The following CNTNAP2 variants were observed in gnomAD, a reference collection of about 807,000 sequenced individuals.
CNTNAP2 encodes contactin-associated protein-like 2.
Under a neutral mutation model 155.2 loss-of-function variants are expected in CNTNAP2, and 98 were observed. The ratio of observed to expected loss-of-function variants is 0.63; its 90% CI spans 0.54 to 0.75. The LOEUF (loss-of-function observed/expected upper bound fraction) is 0.75, where lower values mean the gene tolerates loss of function less well. Among genes scored for constraint, CNTNAP2 ranks in the 30% least tolerant of loss-of-function variants. CNTNAP2 has a pLI of 0.00. For missense variants in CNTNAP2, 1,727 were observed against 1,688.1 expected (o/e 1.02, Z -0.40); for synonymous variants, 651 against 631.2 (o/e 1.03, Z -0.47).
chr7:147,770,277 T>G (rs1020281416), intron 13 of CNTNAP2, among the ~76,000 whole-genome samples: 7 of 152,240 alleles, frequency 4.6e-5, no homozygotes, highest in African/African-American at 1.7e-4. Context: ...TGTTGTTGTT[T>G]TTTTAAAATT....
At position 148,019,715 on chromosome 7, in the gene CNTNAP2, C is replaced by T. The variant is rs2116916533; in HGVS notation, c.2383+41726C>T. 1.3e-5 allele frequency among the ~76,000 whole-genome samples: 2 copies of T among 152,182 alleles called. 1 individual carries two copies. The highest frequency in any genetic ancestry group is 6.8e-3 in the Middle Eastern group (2 of 294). On this transcript the variant is annotated intron_variant, in intron 15 of 23. Coordinates refer to ENST00000361727, the MANE Select transcript of CNTNAP2 (RefSeq NM_014141.6). ...CAAGTGATCCGCCTGCCTTGCCCTCCCAAAGTGCTGGGGTTACAGGTGTGA... is the reference window on the plus strand; with the variant it reads ...CAAGTGATCCGCCTGCCTTGCCCTCTCAAAGTGCTGGGGTTACAGGTGTGA...
intron 2 of CNTNAP2, among the ~76,000 whole-genome samples, chr7:146,806,550 ATG>A (rs1802970654): frequency 6.6e-6 from 1 of 151,986 alleles, no homozygotes. Context: ...ATGAACACAA[ATG>A]TGTAGAACCT....
chr7:148,090,336 G>A (rs977910260), intron 15 of CNTNAP2, among the ~76,000 whole-genome samples: 2 of 151,912 alleles, frequency 1.3e-5, no homozygotes, highest in Non-Finnish European at 2.9e-5. Context: ...GGAATGAGAG[G>A]ATGTATTCAC....
At chr7:148,024,029 A>G (rs964593940) in intron 15 of CNTNAP2, among the ~76,000 whole-genome samples, 4 of 152,144 alleles carry the variant, frequency 2.6e-5, no homozygotes, top group African/African-American at 9.7e-5. Flanking sequence ...TGTCCTGACT[A>G]TATAACAACA....
chr7:147,830,353 C>T (rs1798528387), intron 13 of CNTNAP2, among the ~76,000 whole-genome samples: 1 of 151,928 alleles, frequency 6.6e-6, no homozygotes, highest in Non-Finnish European at 1.5e-5. Context: ...AAAATGCACT[C>T]TCTGGGGCCT....
chr7:146,370,369 C>T (rs1047579357), intron 1 of CNTNAP2, among the ~76,000 whole-genome samples: 9 of 150,480 alleles, frequency 6.0e-5, no homozygotes, highest in Non-Finnish European at 1.0e-4. Context: ...ACCCAGCATG[C>T]GGAGGTTGCA....
intron 9 of CNTNAP2, among the ~76,000 whole-genome samples, chr7:147,308,429 A>C (rs1795069141): frequency 6.6e-6 from 1 of 152,204 alleles, no homozygotes; most frequent in Admixed American, 6.5e-5. Context: ...AATCGACTAG[A>C]TTGTAGCAGT....
chr7:148,261,593 C>T (rs569868121), intron 20 of CNTNAP2, among the ~76,000 whole-genome samples: 20 of 152,292 alleles, frequency 1.3e-4, no homozygotes, highest in Non-Finnish European at 2.2e-4. Context: ...AGCAGAGACC[C>T]CTGCTTAGCC....
intron 2 of CNTNAP2, among the ~76,000 whole-genome samples, chr7:146,826,819 A>G (rs1014278289): frequency 6.7e-6 from 1 of 149,370 alleles, no homozygotes; most frequent in Non-Finnish European, 1.5e-5. Context: ...ATAATTTTTA[A>G]GAATGAATGA....
intron 18 of CNTNAP2, among the ~76,000 whole-genome samples, chr7:148,178,307 C>A (rs535393137): frequency 1.3e-5 from 2 of 152,172 alleles, no homozygotes; most frequent in African/African-American, 4.8e-5. Context: ...AAACCATTTT[C>A]TGAGTTAGGG....
At chr7:147,395,482 A>G (rs758671236) in intron 9 of CNTNAP2, 127 bp from the exon 10 acceptor site, 28 of 925,102 alleles carry the variant, frequency 3.0e-5, no homozygotes, top group Non-Finnish European at 4.8e-5. Flanking sequence ...ACTGAATATA[A>G]CATCAGCAAG....
intron 12 of CNTNAP2, among the ~76,000 whole-genome samples, chr7:147,633,488 C>T (rs1200608396): frequency 6.6e-6 from 1 of 152,108 alleles, no homozygotes; most frequent in Non-Finnish European, 1.5e-5. Flanking sequence ...CTTTGAAGAC[C>T]ATTGGAAAGG....
chr7:147,184,889 A>G (rs1237073997), intron 8 of CNTNAP2, among the ~76,000 whole-genome samples: 2 of 152,202 alleles, frequency 1.3e-5, no homozygotes, highest in East Asian at 3.9e-4. Flanking sequence ...CTTGGAACCA[A>G]GTGATCCATA....
intron 22 of CNTNAP2, among the ~76,000 whole-genome samples, chr7:148,407,242 A>ATCTT (rs1799724093): frequency 6.6e-6 from 1 of 152,200 alleles, no homozygotes; most frequent in South Asian, 2.1e-4. Flanking sequence ...TAAATGAAAG[A>ATCTT]TCTTTGCATT....
chr7:146,936,942 C>G (rs939062929), intron 3 of CNTNAP2, among the ~76,000 whole-genome samples: 6 of 152,136 alleles, frequency 3.9e-5, no homozygotes, highest in Non-Finnish European at 8.8e-5. Flanking sequence ...CACTAAACTC[C>G]TTTAAATTTA....
intron 9 of CNTNAP2, among the ~76,000 whole-genome samples, chr7:147,366,687 ATTG>A (rs1304694777): frequency 6.6e-6 from 1 of 151,496 alleles, no homozygotes; most frequent in African/African-American, 2.4e-5. Flanking sequence ...TACTTTCATT[ATTG>A]TTTAGTTATG....
At chr7:147,192,456 C>T (rs1433364567) in intron 8 of CNTNAP2, among the ~76,000 whole-genome samples, 2 of 152,082 alleles carry the variant, frequency 1.3e-5, no homozygotes, top group Non-Finnish European at 2.9e-5. Flanking sequence ...CAGTGTGGTC[C>T]TGGGAACTTG....
chr7:146,744,854 C>T (rs891759593), intron 1 of CNTNAP2, among the ~76,000 whole-genome samples: 25 of 152,228 alleles, frequency 1.6e-4, no homozygotes, highest in African/African-American at 5.8e-4. Context: ...CCCTGTTATT[C>T]CTACTTTCTC....
chr7:146,392,536 T>A (rs1455839567), intron 1 of CNTNAP2, among the ~76,000 whole-genome samples: 1 of 152,202 alleles, frequency 6.6e-6, no homozygotes, highest in Non-Finnish European at 1.5e-5. Context: ...AGAAAGAAAG[T>A]GGAAATTTCA....
Sources: gnomAD v4.1 joint callset for allele counts (sites outside exome capture counted in the v4.1 genomes callset) on GRCh38, gnomAD v4.1.1 for gene constraint, MANE v1.5 for transcripts, NCBI Gene and HGNC (gene_info 2026-07-23, HGNC 2026-07-21) for gene names.